NFIA: variants seen among roughly 807,000 people sequenced by gnomAD.
NFIA encodes the protein nuclear factor I A.
NFIA carries 8 observed loss-of-function variants against 62.8 expected under a neutral mutation model. That is an observed-to-expected ratio of 0.13 (90% CI 0.07 to 0.23). The LOEUF (loss-of-function observed/expected upper bound fraction) is 0.23, where lower values mean the gene tolerates loss of function less well. Ranked by LOEUF, NFIA falls within the 10% of genes least tolerant of loss-of-function variation. The pLI, the probability that NFIA is intolerant of heterozygous loss-of-function variation, is 1.00. For synonymous variants in NFIA, 235 were observed against 238.1 expected, an observed-to-expected ratio of 0.99 and a Z score of 0.12; for missense variants, 410 against 642.1, an observed-to-expected ratio of 0.64 and a Z score of 3.91.
intron 6 of NFIA, among the ~76,000 whole-genome samples, chr1:61,361,444 T>C (rs985774715): frequency 5.9e-5 from 9 of 152,226 alleles, no homozygotes; most frequent in African/African-American, 2.2e-4. Flanking sequence ...AAAATCAGAA[T>C]TAAACATATA....
chr1:61,182,164 T>C (rs1187197850), intron 2 of NFIA, among the ~76,000 whole-genome samples: 1 of 152,222 alleles, frequency 6.6e-6, no homozygotes, highest in Non-Finnish European at 1.5e-5. Flanking sequence ...CGGTTCATAC[T>C]GTGACTACAT....
chr1:61,176,891 T>C (rs1017417934), intron 2 of NFIA, among the ~76,000 whole-genome samples: 1 of 151,970 alleles, frequency 6.6e-6, no homozygotes. Context: ...GATCACGAGG[T>C]CAGGAGATCG....
chr1:61,356,802 A>G (rs1363529090), intron 5 of NFIA, among the ~76,000 whole-genome samples: 2 of 152,214 alleles, frequency 1.3e-5, no homozygotes, highest in Non-Finnish European at 2.9e-5. Context: ...TTTAATGAGA[A>G]TAGAACTTAA....
At chr1:61,140,037 T>C (rs1015787515) in intron 2 of NFIA, among the ~76,000 whole-genome samples, 4 of 152,082 alleles carry the variant, frequency 2.6e-5, no homozygotes, top group Admixed American at 2.6e-4. Context: ...ACCCAATAAA[T>C]GATGAGAGGA....
rs150727181 is a variant in NFIA, at chr1:61,340,330, C to A, written c.700+7744C>A. Among the ~76,000 whole-genome samples the A allele has an allele frequency of 2.6e-5, 4 of 152,310 alleles. No homozygotes were observed. The East Asian group carries it at 7.7e-4, about 29-fold the overall frequency. On this transcript the variant is annotated intron_variant, in intron 4 of 10. Coordinates refer to ENST00000403491, the MANE Select transcript of NFIA (RefSeq NM_001134673.4). ...ATAAAACCTATATTCAAGATGGCAG[C>A]ATGATATTGTAAAACAGTACAGGAT...
At chr1:61,274,172 T>A (rs1657676903) in intron 2 of NFIA, among the ~76,000 whole-genome samples, 1 of 152,232 alleles carries the variant, frequency 6.6e-6, no homozygotes, top group African/African-American at 2.4e-5. Context: ...GCAATATAGC[T>A]GTAGGCGCCA....
intron 2 of NFIA, among the ~76,000 whole-genome samples, chr1:61,214,438 G>T (rs1055363981): frequency 2.0e-5 from 3 of 152,110 alleles, no homozygotes; most frequent in Non-Finnish European, 4.4e-5. Flanking sequence ...GCTGATGGAA[G>T]TTAAAAGTTG....
chr1:61,426,256 T>G (rs1401825853), intron 9 of NFIA, among the ~76,000 whole-genome samples: 1 of 152,186 alleles, frequency 6.6e-6, no homozygotes, highest in African/African-American at 2.4e-5. Flanking sequence ...TGACATCATT[T>G]TATCCCAACA....
intron 2 of NFIA, among the ~76,000 whole-genome samples, chr1:61,194,415 G>A (rs931510154): frequency 2.0e-5 from 3 of 152,130 alleles, no homozygotes; most frequent in Admixed American, 1.3e-4. Context: ...GACATCAGTA[G>A]TGCAAGCATC....
intron 3 of NFIA, among the ~76,000 whole-genome samples, chr1:61,280,007 A>G (rs181162283): frequency 3.9e-5 from 6 of 152,242 alleles, no homozygotes; most frequent in Admixed American, 6.5e-5. Flanking sequence ...ATAAATTCCT[A>G]TCTTTCAGTT....
chr1:61,110,063 G>T (rs994227135), intron 2 of NFIA, among the ~76,000 whole-genome samples: 2 of 151,826 alleles, frequency 1.3e-5, no homozygotes, highest in Admixed American at 6.6e-5. Context: ...GAGAGATAAG[G>T]GGGGCAGAGA....
At chr1:61,311,226 T>C (rs1251250297) in intron 3 of NFIA, among the ~76,000 whole-genome samples, 1 of 152,068 alleles carries the variant, frequency 6.6e-6, no homozygotes, top group Non-Finnish European at 1.5e-5. Context: ...ACCCCATCTC[T>C]ACTAAAAATA....
At chr1:61,296,238 T>G (rs1422914366) in intron 3 of NFIA, among the ~76,000 whole-genome samples, 2 of 152,198 alleles carry the variant, frequency 1.3e-5, no homozygotes, top group African/African-American at 4.8e-5. Context: ...ACTTAAGAAA[T>G]CTTTTGACTC....
At chr1:61,280,177 A>T (rs1246248612) in intron 3 of NFIA, among the ~76,000 whole-genome samples, 2 of 152,216 alleles carry the variant, frequency 1.3e-5, no homozygotes, top group African/African-American at 4.8e-5. Flanking sequence ...TAATCCCAAA[A>T]GGAATAAATG....
chr1:61,113,984 G>A (rs1198041126), intron 2 of NFIA, among the ~76,000 whole-genome samples: 1 of 152,154 alleles, frequency 6.6e-6, no homozygotes, highest in African/African-American at 2.4e-5. Context: ...TAATCATGAA[G>A]TCCAAATGTA....
intron 10 of NFIA, among the ~76,000 whole-genome samples, chr1:61,453,355 A>G (rs1668147109): frequency 6.6e-6 from 1 of 151,980 alleles, no homozygotes; most frequent in Non-Finnish European, 1.5e-5. Flanking sequence ...AGCAATCAAT[A>G]AAGCCTATTT....
intron 2 of NFIA, among the ~76,000 whole-genome samples, chr1:61,266,967 T>C (rs1657211044): frequency 6.6e-6 from 1 of 152,096 alleles, no homozygotes; most frequent in Admixed American, 6.5e-5. Flanking sequence ...TTGGAATGAG[T>C]CAGTTGAGGT....
chr1:61,077,319 C>G (rs1240069479), upstream of NFIA: 1 of 316,598 alleles, frequency 3.2e-6, no homozygotes, highest in African/African-American at 2.1e-5. Context: ...AATCTGAGAA[C>G]CAGCCAGCCC....
chr1:61,407,993 A>G (rs1213949838), intron 9 of NFIA, among the ~76,000 whole-genome samples: 1 of 152,166 alleles, frequency 6.6e-6, no homozygotes, highest in Non-Finnish European at 1.5e-5. Context: ...GCCCCTGTTT[A>G]TGCCATGTTC....
Sources: allele counts gnomAD v4.1 joint callset (sites outside exome capture counted in the v4.1 genomes callset), GRCh38; gene constraint gnomAD v4.1.1; transcripts MANE v1.5; gene names NCBI Gene and HGNC (gene_info 2026-07-23, HGNC 2026-07-21).